ALG1L2: variants seen among roughly 807,000 people sequenced by gnomAD.
ALG1L2 encodes the protein putative glycosyltransferase ALG1L2.
ALG1L2 carries 32 observed loss-of-function variants against 29.0 expected under a neutral mutation model. The ratio of observed to expected loss-of-function variants is 1.10; its 90% CI spans 0.83 to 1.48. The LOEUF (loss-of-function observed/expected upper bound fraction) is 1.48, where lower values mean the gene tolerates loss of function less well. ALG1L2 is among the 40% of genes most tolerant of loss of function. ALG1L2 has a pLI of 0.00. For missense variants in ALG1L2, 318 were observed against 274.1 expected (o/e 1.16, Z -1.13); for synonymous variants, 110 against 109.5 (o/e 1.00, Z -0.03).
intron 1 of ALG1L2, among the ~76,000 whole-genome samples, chr3:130,084,074 A>C (rs1934840890): frequency 6.6e-6 from 1 of 150,812 alleles, no homozygotes. Flanking sequence ...GAGGGCGAGC[A>C]GCAATTCATC....
chr3:130,085,850 C>T (rs878895527), intron 1 of ALG1L2, among the ~76,000 whole-genome samples: 19 of 149,960 alleles, frequency 1.3e-4, no homozygotes, highest in South Asian at 4.2e-4. Flanking sequence ...CCACAATCTC[C>T]GCAAAAACGC....
rs1487414069 is a variant in ALG1L2, at chr3:130,085,016, T to C, written c.20+2980T>C. On this transcript the variant is annotated intron_variant, in intron 1 of 7. Coordinates refer to ENST00000425059, the MANE Select transcript of ALG1L2 (RefSeq NM_001136152.1). ...CTCTGTCACCCTGGCTGGAGTGCGG[T>C]GGTGCAATCTTGGCTCACTGTCACT... 6.8e-5 allele frequency among the ~76,000 whole-genome samples: 9 copies of C among 132,148 alleles called. No homozygotes were observed. In the South Asian group the frequency reaches 2.1e-3, roughly 32 times the overall value. 86.7% of individuals were successfully genotyped at this position (132,148 alleles called of 152,430 possible).
Position 130,096,850 on chromosome 3 carries a change from G to T in ALG1L2, c.540-325G>T, listed in dbSNP as rs182962691. Among the ~76,000 whole-genome samples the T allele has an allele frequency of 2.8e-4, 43 of 152,262 alleles. No homozygotes were observed. In the East Asian group the frequency reaches 6.2e-3, roughly 22 times the overall value. ...TTATGTGCTGAACCAGTCCCCAGGG[G>T]GTTGCCTTTACTTGTTCCTTGGCCA... is the stretch of plus-strand genomic sequence containing the variant. On this transcript the variant is annotated intron_variant, in intron 6 of 7. Coordinates refer to ENST00000425059, the MANE Select transcript of ALG1L2 (RefSeq NM_001136152.1).
At chr3:130,091,918 C>A in intron 2 of ALG1L2, 183 bp from the exon 3 acceptor site, 11 of 947,232 alleles carry the variant, frequency 1.2e-5, no homozygotes, top group Non-Finnish European at 1.8e-5. Context: ...AACCTTAGCA[C>A]CCAGCAACAA....
At position 130,092,220 on chromosome 3, in the gene ALG1L2, C is replaced by G; in HGVS notation, c.251C>G (p.Thr84Arg). Reference sequence around the variant, plus strand: ...CTGCTGGTCAGCAGCACAAGCTGGACAGGTCTGCATGACCACTGGGGCACT... The same window carrying G: ...CTGCTGGTCAGCAGCACAAGCTGGAGAGGTCTGCATGACCACTGGGGCACT... ...PALLVSSTSW[T>R]EFEQLTLDGQ... Residue 84 changes from threonine to arginine, a missense_variant and splice_region_variant, in exon 3 of 8, where the codon ACA (threonine) becomes AGA (arginine). Transcript: ENST00000425059. 1 of 1,609,890 alleles carries G rather than the reference C, an allele frequency of 6.2e-7. No individual in the cohort carries two copies. Among genetic ancestry groups the G allele is most frequent in the Non-Finnish European group, 8.5e-7 (1 of 1,178,824 alleles).
chr3:130,094,388 C>A lies in ALG1L2; in HGVS notation c.314-15C>A. 1.3e-6 allele frequency: 2 copies of A among 1,591,644 alleles called. No homozygotes were observed. Among genetic ancestry groups the A allele is most frequent in the Non-Finnish European group, 1.7e-6 (2 of 1,175,388 alleles). On this transcript the variant is annotated splice_polypyrimidine_tract_variant and intron_variant, in intron 4 of 7. Transcript: ENST00000425059. The stretch of plus-strand genomic sequence containing the variant: ...AGAGACGGGTTCATGGCAGTGTCTG[C>A]TCTTCTCTGTGAAGGCAAAGGGCCT...
intron 1 of ALG1L2, among the ~76,000 whole-genome samples, chr3:130,088,423 T>C (rs1373649226): frequency 6.6e-6 from 1 of 151,340 alleles, no homozygotes; most frequent in African/African-American, 2.5e-5. Flanking sequence ...TCTAATTCTT[T>C]TTTTCTTTTT....
rs878973509 is a variant in ALG1L2, at chr3:130,085,611, C to T, written c.20+3575C>T. Among the ~76,000 whole-genome samples the T allele has an allele frequency of 2.0e-5, 3 of 151,492 alleles. No individual in the cohort carries two copies. The Admixed American group carries it at 2.0e-4, about 10-fold the overall frequency. On this transcript the variant is annotated intron_variant, in intron 1 of 7. Transcript: ENST00000425059. ...TATCAACCTGATTTTAACTTGACTA[C>T]CTTTGTAATGACTATCTCCAAATAT...
intron 1 of ALG1L2, 21 bp downstream of exon 1, chr3:130,082,057 G>T (rs1355297257): frequency 1.2e-5 from 18 of 1,499,084 alleles, no homozygotes; most frequent in Non-Finnish European, 1.5e-5. Flanking sequence ...GGGTGGTGCT[G>T]GTTGGATTGC....
At chr3:130,093,029 GAA>G (rs71158104) in intron 3 of ALG1L2, 70 bp from the exon 4 acceptor site, 73,673 of 977,270 alleles carry the variant, frequency 0.075, 6 homozygotes, top group Non-Finnish European at 0.081. Flanking sequence ...GAGTCTGTCA[GAA>G]AAAAAAAAAA....
intron 6 of ALG1L2, 76 bp downstream of exon 6, chr3:130,096,239 G>A: frequency 6.6e-7 from 1 of 1,525,214 alleles, no homozygotes; most frequent in Non-Finnish European, 8.9e-7. Flanking sequence ...TGCAGAGTGA[G>A]CTGCCCACAG....
At position 130,085,874 on chromosome 3, in the gene ALG1L2, C is replaced by T. The variant is rs1227989444; in HGVS notation, c.20+3838C>T. Among the ~76,000 whole-genome samples the T allele has an allele frequency of 3.4e-3, 518 of 150,778 alleles. 9 individuals are homozygous for T. The highest frequency in any genetic ancestry group is 5.3e-3 in the Non-Finnish European group (354 of 67,178). ...CCGCAAAAACGCAATGTTTCTCCCG[C>T]AGCACTTAGCAGCCCAGGTGAAGGT... On this transcript the variant is annotated intron_variant, in intron 1 of 7. Coordinates refer to ENST00000425059, the MANE Select transcript of ALG1L2 (RefSeq NM_001136152.1).
intron 1 of ALG1L2, among the ~76,000 whole-genome samples, chr3:130,087,077 A>G (rs926747699): frequency 4.7e-5 from 7 of 148,894 alleles, no homozygotes; most frequent in African/African-American, 1.7e-4. Flanking sequence ...ACATAAGATG[A>G]CCGGTTAACC....
rs762833571 is a variant in ALG1L2 at position 130,096,137 on chromosome 3, G to T, written c.513G>T (p.Leu171Phe). 3 of 1,611,988 alleles carry T rather than the reference G, an allele frequency of 1.9e-6. No homozygotes were observed. The highest frequency in any genetic ancestry group is 2.5e-6 in the Non-Finnish European group (3 of 1,179,846). Residue 171 changes from leucine to phenylalanine, a missense_variant, in exon 6 of 8, where the codon TTG (leucine) becomes TTT (phenylalanine). Transcript: ENST00000425059. ...TGGTGGACATGTTCAGGTGCTGTTT[G>T]CCTGCGTGTGCCGTGAACTTCAAGT... ...MKVVDMFRCC[L>F]PACAVNFKCL...
intron 1 of ALG1L2, among the ~76,000 whole-genome samples, chr3:130,084,003 T>A (rs905240599): frequency 2.0e-5 from 3 of 151,602 alleles, no homozygotes; most frequent in Admixed American, 6.6e-5. Context: ...AAGGACCGGC[T>A]TTGTGAATCT....
chr3:130,091,816 G>T lies in ALG1L2; in HGVS notation c.132-285G>T. On this transcript the variant is annotated intron_variant, in intron 2 of 7. Coordinates refer to ENST00000425059, the MANE Select transcript of ALG1L2 (RefSeq NM_001136152.1). ...CTGGGTAAGCTGGGGTGGTGTGGGA[G>T]GGCGTCCTAGCACCCTCATCTTGGG... 7 of 647,362 alleles carry T rather than the reference G, an allele frequency of 1.1e-5. 1 individual carries two copies. The highest frequency in any genetic ancestry group is 2.0e-5 in the Non-Finnish European group (7 of 354,300). 40.1% of individuals were successfully genotyped at this position (647,362 alleles called of 1,614,324 possible).
chr3:130,096,859 T>C (rs1390406784), intron 6 of ALG1L2, among the ~76,000 whole-genome samples: 2 of 152,190 alleles, frequency 1.3e-5, no homozygotes, highest in Admixed American at 6.5e-5. Context: ...GGGTTGCCTT[T>C]ACTTGTTCCT....
intron 6 of ALG1L2, among the ~76,000 whole-genome samples, chr3:130,096,729 C>G (rs1162460539): frequency 6.6e-6 from 1 of 152,118 alleles, no homozygotes; most frequent in African/African-American, 2.4e-5. Flanking sequence ...TGCTCAGGAG[C>G]CGGCCCCTGG....
intron 1 of ALG1L2, among the ~76,000 whole-genome samples, chr3:130,089,985 T>G (rs1934979890): frequency 6.6e-6 from 1 of 152,308 alleles, no homozygotes; most frequent in African/African-American, 2.4e-5. Context: ...GAAGTAGCAG[T>G]GAGCTGAGAT....
Sources: gnomAD v4.1 joint callset for allele counts (sites outside exome capture counted in the v4.1 genomes callset) on GRCh38, gnomAD v4.1.1 for gene constraint, MANE v1.5 for transcripts, NCBI Gene and HGNC (gene_info 2026-07-23, HGNC 2026-07-21) for gene names.